Variants in DPP10 observed in about 807,000 individuals in gnomAD.
The protein encoded by DPP10 is dipeptidyl peptidase like 10, also known as inactive dipeptidyl peptidase 10.
In DPP10, 33 loss-of-function variants were observed where a neutral mutation model predicts 120.9. That is an observed-to-expected ratio of 0.27 (90% confidence interval 0.21 to 0.37). The LOEUF (loss-of-function observed/expected upper bound fraction) is 0.37, where lower values mean the gene tolerates loss of function less well. DPP10 is among the 10% of genes least tolerant of loss of function. DPP10 has a pLI of 1.00. For missense variants in DPP10, 816 were observed against 942.8 expected, an observed-to-expected ratio of 0.87 and a Z score of 1.76; for synonymous variants, 337 against 326.1, an observed-to-expected ratio of 1.03 and a Z score of -0.36.
At chr2:114,894,087 C>G (rs1438567200) in intron 1 of DPP10, among the ~76,000 whole-genome samples, 2 of 152,166 alleles carry the variant, frequency 1.3e-5, no homozygotes, top group African/African-American at 4.8e-5. Context: ...GAGTGTCCAA[C>G]TGGTGCATTT....
intron 1 of DPP10, among the ~76,000 whole-genome samples, chr2:114,721,468 G>A (rs760308805): frequency 1.3e-5 from 2 of 152,088 alleles, no homozygotes; most frequent in Admixed American, 6.6e-5. Flanking sequence ...TCTTTGTTTT[G>A]CCAGTATTCA....
intron 25 of DPP10, among the ~76,000 whole-genome samples, chr2:115,841,985 A>G (rs1426122597): frequency 6.6e-6 from 1 of 152,220 alleles, no homozygotes. Context: ...AACATGAAAA[A>G]GTCTACCTTT....
chr2:114,989,395 G>A (rs1465429749), intron 1 of DPP10, among the ~76,000 whole-genome samples: 2 of 152,172 alleles, frequency 1.3e-5, no homozygotes, highest in Admixed American at 1.3e-4. Context: ...CAGAGGAAGT[G>A]AACGGTGCTC....
intron 1 of DPP10, among the ~76,000 whole-genome samples, chr2:115,048,836 T>C (rs1705259162): frequency 6.6e-6 from 1 of 152,124 alleles, no homozygotes; most frequent in African/African-American, 2.4e-5. Flanking sequence ...TTTTATGTTC[T>C]CCAAATTTGC....
At chr2:115,472,639 T>G (rs1397991248) in intron 3 of DPP10, among the ~76,000 whole-genome samples, 1 of 152,196 alleles carries the variant, frequency 6.6e-6, no homozygotes, top group African/African-American at 2.4e-5. Flanking sequence ...CTCTTTGTAT[T>G]GAAATAGTTT....
intron 1 of DPP10, among the ~76,000 whole-genome samples, chr2:115,215,388 G>A (rs1294629975): frequency 1.3e-5 from 2 of 152,090 alleles, no homozygotes; most frequent in East Asian, 3.9e-4. Flanking sequence ...AATAAAATAG[G>A]CCATATAATT....
At chr2:115,417,668 A>G (rs1302851954) in intron 3 of DPP10, among the ~76,000 whole-genome samples, 1 of 152,180 alleles carries the variant, frequency 6.6e-6, no homozygotes, top group Non-Finnish European at 1.5e-5. Flanking sequence ...GTCAAAGCCT[A>G]GATCAATCTA....
At chr2:115,753,115 T>C in intron 10 of DPP10, 59 bp from the exon 11 acceptor site, 1 of 1,507,836 alleles carries the variant, frequency 6.6e-7, no homozygotes, top group South Asian at 1.3e-5. Flanking sequence ...ATGTATATTG[T>C]TGGTACTATA....
In DPP10 at chr2:114,584,518, T is replaced by C. The variant is rs545568909; in HGVS notation, c.60+141680T>C. ...CATTAACTCGTCATTTAGCATTAGGTATATCTCCTAATGCTATCCCTCCCC... is the reference window on the plus strand; with the variant it reads ...CATTAACTCGTCATTTAGCATTAGGCATATCTCCTAATGCTATCCCTCCCC... On this transcript the variant is annotated intron_variant, in intron 1 of 25. Transcript: ENST00000410059. Among the ~76,000 whole-genome samples, 11 of 150,448 alleles carry C rather than the reference T, an allele frequency of 7.3e-5. No individual in the cohort carries two copies. The South Asian group carries it at 2.4e-3, about 32-fold the overall frequency.
At chr2:115,073,013 C>T (rs1015946941) in intron 1 of DPP10, among the ~76,000 whole-genome samples, 1 of 152,114 alleles carries the variant, frequency 6.6e-6, no homozygotes, top group African/African-American at 2.4e-5. Context: ...GAACTTCTAA[C>T]CTCAGGTGAT....
chr2:115,379,729 T>C (rs1246310257), intron 3 of DPP10, among the ~76,000 whole-genome samples: 1 of 152,184 alleles, frequency 6.6e-6, no homozygotes, highest in Non-Finnish European at 1.5e-5. Context: ...TTTGAATGCG[T>C]CCCAGAGATT....
intron 1 of DPP10, among the ~76,000 whole-genome samples, chr2:114,625,846 A>G (rs185154420): frequency 6.6e-6 from 1 of 152,056 alleles, no homozygotes; most frequent in East Asian, 1.9e-4. Context: ...CTGCAGACCT[A>G]GAATTCATTA....
intron 1 of DPP10, among the ~76,000 whole-genome samples, chr2:115,206,836 C>T (rs898499292): frequency 6.6e-6 from 1 of 152,128 alleles, no homozygotes; most frequent in Non-Finnish European, 1.5e-5. Context: ...TGCTATTTGT[C>T]CAATCTAGAT....
chr2:115,766,150 A>G (rs909028566), intron 12 of DPP10, among the ~76,000 whole-genome samples: 5 of 151,756 alleles, frequency 3.3e-5, no homozygotes, highest in Non-Finnish European at 7.4e-5. Flanking sequence ...ACATACATAC[A>G]TACATACATA....
At chr2:115,374,972 A>G (rs1319381192) in intron 3 of DPP10, among the ~76,000 whole-genome samples, 1 of 151,740 alleles carries the variant, frequency 6.6e-6, no homozygotes, top group Non-Finnish European at 1.5e-5. Flanking sequence ...CATGCCCTGA[A>G]GACATTTTTC....
chr2:114,723,213 G>A (rs1701821150), intron 1 of DPP10, among the ~76,000 whole-genome samples: 1 of 152,194 alleles, frequency 6.6e-6, no homozygotes, highest in African/African-American at 2.4e-5. Context: ...GTGCTTCTAA[G>A]CTTGATTCCT....
chr2:114,826,902 G>A (rs1686596955), intron 1 of DPP10, among the ~76,000 whole-genome samples: 3 of 152,140 alleles, frequency 2.0e-5, no homozygotes, highest in Admixed American at 2.0e-4. Flanking sequence ...GATAACAGGA[G>A]TATGATCTAA....
chr2:115,293,636 AT>A (rs1223161692), intron 1 of DPP10, among the ~76,000 whole-genome samples: 3 of 152,118 alleles, frequency 2.0e-5, no homozygotes, highest in African/African-American at 4.8e-5. Flanking sequence ...AAACTGTGTG[AT>A]TTAGTAACAT....
chr2:115,343,458 T>A (rs2063548980), intron 2 of DPP10, among the ~76,000 whole-genome samples: 1 of 152,104 alleles, frequency 6.6e-6, no homozygotes, highest in African/African-American at 2.4e-5. Context: ...AAAGAATATA[T>A]CAACATAAGT....
Sources: gnomAD v4.1 joint callset for allele counts (sites outside exome capture counted in the v4.1 genomes callset) on GRCh38, gnomAD v4.1.1 for gene constraint, MANE v1.5 for transcripts, NCBI Gene and HGNC (gene_info 2026-07-23, HGNC 2026-07-21) for gene names.